SAP130: variants seen among roughly 807,000 people sequenced by gnomAD.
SAP130 encodes histone deacetylase complex subunit SAP130.
A neutral mutation model predicts 103.2 loss-of-function variants in SAP130; 16 were observed. The ratio of observed to expected loss-of-function variants is 0.16; its 90% confidence interval spans 0.10 to 0.24. The LOEUF is 0.24. Among genes scored for constraint, SAP130 ranks in the 10% least tolerant of loss-of-function variants. The pLI is 1.00. For synonymous variants in SAP130, 477 were observed against 497.0 expected (o/e 0.96, Z 0.53); for missense variants, 990 against 1,359.7 (o/e 0.73, Z 4.28).
intron 7 of SAP130, among the ~76,000 whole-genome samples, chr2:128,004,361 CTTTT>C (rs71935874): frequency 5.3e-5 from 4 of 75,996 alleles, no homozygotes; most frequent in Admixed American, 2.0e-4. Flanking sequence ...GCTTTCTTTC[CTTTT>C]TTTTTTTTTT....
chr2:127,960,977 TTTTC>T (rs556160472), intron 15 of SAP130, among the ~76,000 whole-genome samples: 363 of 151,880 alleles, frequency 2.4e-3, no homozygotes, highest in African/African-American at 5.5e-3. Context: ...TACAAATGTT[TTTTC>T]TTTCTTTCTT....
rs1683205315 is a variant in SAP130 at position 127,996,781 on chromosome 2, G to A, written c.1214-290C>T. 6.6e-6 allele frequency among the ~76,000 whole-genome samples: 1 copy of A among 152,056 alleles called. No homozygotes were observed. The highest frequency in any genetic ancestry group is 6.5e-5 in the Admixed American group (1 of 15,270). ...ACCTGGCTTTTTAATGACAGATGCG[G>A]TGGCTCACATCTGTCATCTCAGCAC... On this transcript the variant is annotated intron_variant, in intron 10 of 20. Transcript: ENST00000643581. This position sits in a 1 kb window ranked among gnomAD's most constrained non-coding sequence, Gnocchi z 4.3.
intron 7 of SAP130, among the ~76,000 whole-genome samples, chr2:128,007,454 C>T (rs1295671441): frequency 6.6e-6 from 1 of 152,162 alleles, no homozygotes; most frequent in African/African-American, 2.4e-5. Context: ...AGCCAAGACC[C>T]CATAGATAGA....
At chr2:127,975,671 A>G (rs773884303) in intron 15 of SAP130, among the ~76,000 whole-genome samples, 16 of 152,244 alleles carry the variant, frequency 1.1e-4, no homozygotes, top group Non-Finnish European at 1.9e-4. Flanking sequence ...GGCTGGTTTT[A>G]GCATTTCAGA....
At chr2:127,971,112 G>A (rs1681054029) in intron 15 of SAP130, among the ~76,000 whole-genome samples, 1 of 151,800 alleles carries the variant, frequency 6.6e-6, no homozygotes, top group South Asian at 2.1e-4. Flanking sequence ...CACCACACCT[G>A]GCCAATTTTT....
At chr2:127,951,946 A>G (rs2438012) in intron 16 of SAP130, among the ~76,000 whole-genome samples, 58,816 of 152,030 alleles carry the variant, frequency 0.39, 14,028 homozygotes, top group Non-Finnish European at 0.51. Context: ...AAGTCCCACC[A>G]CCTTATCTCC....
chr2:128,017,721 T>G lies in SAP130; in HGVS notation c.307A>C (p.Thr103Pro). 6.2e-7 allele frequency: 1 copy of G among 1,614,192 alleles called. No homozygotes were observed. The highest frequency in any genetic ancestry group is 8.5e-7 in the Non-Finnish European group (1 of 1,180,032). ...VAVTAPPAHL[T>P]PAVPLSFSEG... ...GAAAATGAAAGTGGCACTGCTGGCG[T>G]CAGGTGTGCTGGCGGGGCTGTCACT... The change falls in exon 3 of 21, where the codon ACG becomes CCG. Residue 103 changes from threonine to proline, a missense_variant. Thr to Pro is a conservative substitution (Grantham distance 38, BLOSUM62 -1). Around this residue, in one of 6 missense-constraint regions of SAP130, gnomAD observed 167 missense variants for 187.4 expected, o/e 0.89. Transcript: ENST00000643581.
chr2:127,991,996 G>A (rs1682846582), intron 12 of SAP130, among the ~76,000 whole-genome samples: 2 of 152,076 alleles, frequency 1.3e-5, no homozygotes, highest in Non-Finnish European at 2.9e-5. Flanking sequence ...TTTTGAGACA[G>A]GCTCTCACTT....
chr2:127,998,222 T>C (rs1284496436), intron 10 of SAP130, among the ~76,000 whole-genome samples: 1 of 152,218 alleles, frequency 6.6e-6, no homozygotes, highest in Non-Finnish European at 1.5e-5. Context: ...AACTTATCCC[T>C]ATTTTCTGAA....
intron 16 of SAP130, among the ~76,000 whole-genome samples, chr2:127,950,746 G>A (rs532943030): frequency 6.6e-6 from 1 of 152,284 alleles, no homozygotes; most frequent in East Asian, 1.9e-4. Flanking sequence ...TTTCCAGGAG[G>A]GAGAGAGAGA....
chr2:128,002,861 C>T (rs1382111187), intron 7 of SAP130, among the ~76,000 whole-genome samples: 3 of 152,182 alleles, frequency 2.0e-5, no homozygotes, highest in Non-Finnish European at 2.9e-5. Flanking sequence ...CAGTGGCTCA[C>T]GCTTGTAATC....
rs1301349745 is a variant in SAP130 at position 127,999,012 on chromosome 2, ACTT to A, written c.1213+726_1213+728del. Among the ~76,000 whole-genome samples the A allele has an allele frequency of 1.8e-4, 27 of 152,310 alleles. No individual in the cohort carries two copies. In the Middle Eastern group the frequency reaches 0.01, roughly 58 times the overall value. On this transcript the variant is annotated intron_variant, in intron 10 of 20. Transcript: ENST00000643581. ...TGCTAAACAGATACAAACAAAACAA[ACTT>A]CTTTTGACAAATATGAATTAAATTC...
At chr2:128,013,272 A>G (rs1684530967) in intron 5 of SAP130, 118 bp from the exon 6 acceptor site, 12 of 850,048 alleles carry the variant, frequency 1.4e-5, no homozygotes, top group East Asian at 3.1e-5. Flanking sequence ...TGGTATGTAT[A>G]CTTCCCATTT....
At chr2:127,947,764 C>CTGTGTGTGTGAGTGAGTGTGTG (rs147211610) in intron 18 of SAP130, among the ~76,000 whole-genome samples, 2 of 143,422 alleles carry the variant, frequency 1.4e-5, no homozygotes, top group South Asian at 2.2e-4. Context: ...TTGTGTGTGT[C>CTGTGTGTGTGAGTGAGTGTGTG]TGTGTGTGTG....
At position 127,977,982 on chromosome 2, in the gene SAP130, C is replaced by T. The variant is rs1313055066; in HGVS notation, c.2063+3G>A. Reference sequence around the variant, plus strand: ...AGAGTGCGAAGAACACTTAGGTGCTCACCCTGCAGGCCTAGGTGACCCAGA... The same window carrying T: ...AGAGTGCGAAGAACACTTAGGTGCTTACCCTGCAGGCCTAGGTGACCCAGA... On this transcript the variant is annotated splice_donor_region_variant and intron_variant, in intron 15 of 20. Transcript: ENST00000643581. 4 of 1,548,376 alleles carry T rather than the reference C, an allele frequency of 2.6e-6. No homozygotes were observed. Among genetic ancestry groups the T allele is most frequent in the African/African-American group, 2.7e-5 (2 of 72,992 alleles).
At chr2:127,970,107 A>G (rs115069637) in intron 15 of SAP130, among the ~76,000 whole-genome samples, 1,898 of 150,252 alleles carry the variant, frequency 0.013, 38 homozygotes, top group African/African-American at 0.044. Flanking sequence ...TCGCACCTGT[A>G]GTTGCAGCTA....
Position 127,996,036 on chromosome 2 carries a change from C to A in SAP130, c.1355+314G>T, listed in dbSNP as rs974514288. On this transcript the variant is annotated intron_variant, in intron 11 of 20. Transcript: ENST00000643581. The surrounding 1 kb of genome is among the most constrained non-coding windows in gnomAD (Gnocchi z 4.3). The stretch of plus-strand genomic sequence containing the variant: ...GGTGACATCAAAGAATGTCTTTACT[C>A]TTCCGTGCTACAAATGGAGGTACTT... Among the ~76,000 whole-genome samples, 6 of 152,170 alleles carry A rather than the reference C, an allele frequency of 3.9e-5. No homozygotes were observed. The highest frequency in any genetic ancestry group is 1.2e-4 in the African/African-American group (5 of 41,434).
In SAP130 at chr2:127,996,551, C is replaced by T; in HGVS notation, c.1214-60G>A. Reference sequence around the variant, plus strand: ...TACACTTTTTTTTGGCATGCCAAAACATTCTTGGCTAGCAGCAATCTTAGG... The same window carrying T: ...TACACTTTTTTTTGGCATGCCAAAATATTCTTGGCTAGCAGCAATCTTAGG... On this transcript the variant is annotated intron_variant, in intron 10 of 20. Transcript: ENST00000643581. The surrounding 1 kb of genome is among the most constrained non-coding windows in gnomAD (Gnocchi z 4.3). 3 of 1,381,470 alleles carry T rather than the reference C, an allele frequency of 2.2e-6. No homozygotes were observed. Among genetic ancestry groups the T allele is most frequent in the Non-Finnish European group, 2.9e-6 (3 of 1,044,446 alleles). 85.6% of individuals were successfully genotyped at this position (1,381,470 alleles called of 1,614,324 possible).
chr2:127,942,561 A>C lies in SAP130; in HGVS notation c.2902-24T>G. On this transcript the variant is annotated intron_variant, in intron 19 of 20. Coordinates refer to ENST00000643581, the MANE Select transcript of SAP130 (RefSeq NM_001330301.2). This position sits in a 1 kb window ranked among gnomAD's most constrained non-coding sequence, Gnocchi z 4.8. ...GTCTGCAACACACAAAAGGGAGGGT[A>C]TCATAAGCTCGGAAATATTTTTCTA... is the stretch of plus-strand genomic sequence containing the variant. 7.2e-7 allele frequency: 1 copy of C among 1,387,940 alleles called. No homozygotes were observed. Among genetic ancestry groups the C allele is most frequent in the South Asian group, 1.2e-5 (1 of 86,240 alleles). The allele number at this position is 1,387,940 out of a possible 1,614,324, so 86.0% of individuals were successfully genotyped here. A position where few individuals can be genotyped will look rare whatever the true frequency, so the allele number is the denominator to read the frequency against.
Sources: gnomAD v4.1 joint callset for allele counts (sites outside exome capture counted in the v4.1 genomes callset) on GRCh38, gnomAD v4.1.1 for gene constraint, gnomAD v4.1.1 regional missense constraint, Gnocchi (gnomAD v3.1) non-coding constraint, MANE v1.5 for transcripts, NCBI Gene and HGNC (gene_info 2026-07-23, HGNC 2026-07-21) for gene names.